The following APAF1 variants were observed in gnomAD, a reference collection of about 807,000 sequenced individuals.
The protein encoded by APAF1 is apoptotic peptidase activating factor 1.
APAF1 carries 91 observed loss-of-function variants against 152.4 expected under a neutral mutation model. The ratio of observed to expected loss-of-function variants is 0.60; its 90% CI spans 0.50 to 0.71. The LOEUF is 0.71. Ranked by LOEUF, APAF1 falls within the 30% of genes least tolerant of loss-of-function variation. The pLI is 0.00. For missense variants in APAF1, 1,283 were observed against 1,472.0 expected (o/e 0.87, Z 2.10); for synonymous variants, 484 against 494.1 (o/e 0.98, Z 0.27).
intron 20 of APAF1, among the ~76,000 whole-genome samples, chr12:98,709,495 A>G (rs1247054491): frequency 5.3e-5 from 8 of 152,206 alleles, no homozygotes; most frequent in Non-Finnish European, 1.0e-4. Context: ...GCAGGTTGGC[A>G]TCACTGTGCT....
chr12:98,709,533 G>A (rs373753930), intron 20 of APAF1, among the ~76,000 whole-genome samples: 49 of 152,314 alleles, frequency 3.2e-4, no homozygotes, highest in Middle Eastern at 3.4e-3. Context: ...TCGTTGCATT[G>A]ACAGAGATGT....
chr12:98,709,678 G>A (rs1052279072), intron 20 of APAF1, among the ~76,000 whole-genome samples: 1 of 152,146 alleles, frequency 6.6e-6, no homozygotes, highest in Non-Finnish European at 1.5e-5. Context: ...ATTGAAGGAA[G>A]TGTCAGCATG....
intron 4 of APAF1, among the ~76,000 whole-genome samples, chr12:98,650,576 TAGTA>T (rs1371489787): frequency 6.6e-6 from 1 of 151,922 alleles, no homozygotes; most frequent in African/African-American, 2.4e-5. Flanking sequence ...TTGGAATAAG[TAGTA>T]AGCCTCTAAG....
intron 10 of APAF1, among the ~76,000 whole-genome samples, chr12:98,668,863 G>T (rs540773754): frequency 2.6e-5 from 4 of 152,282 alleles, no homozygotes; most frequent in African/African-American, 9.6e-5. Context: ...TATGAGTCTA[G>T]AATTCTGGGG....
chr12:98,648,655 G>C lies in APAF1; in HGVS notation c.168G>C (p.Leu56=), dbSNP rs1169423621. 1 of 1,613,720 alleles carries C rather than the reference G, an allele frequency of 6.2e-7. No individual in the cohort carries two copies. The highest frequency in any genetic ancestry group is 2.2e-5 in the East Asian group (1 of 44,846). Residue 56 remains leucine, a synonymous_variant, in exon 3 of 27, where the codon CTG becomes CTC. Transcript: ENST00000551964. The part of the protein sequence containing the change: ...EPTQQQRAAM[L]IKMILKKDND... ...CTCAACAGCAAAGAGCAGCTATGCT[G>C]ATTAAAATGATACTTAAAAAAGATA...
rs574401264 is a variant in APAF1, at chr12:98,731,002, G to A, written c.3601-1418G>A. 3.3e-5 allele frequency among the ~76,000 whole-genome samples: 5 copies of A among 152,298 alleles called. No individual in the cohort carries two copies. The South Asian group carries it at 8.3e-4, about 25-fold the overall frequency. ...GCTGATCTGAAGTATGGAATACATG[G>A]TGATAAATGGTGGTGTGCCATGACT... is the stretch of plus-strand genomic sequence containing the variant. On this transcript the variant is annotated intron_variant, in intron 26 of 26. Coordinates refer to ENST00000551964, the MANE Select transcript of APAF1 (RefSeq NM_181861.2).
chr12:98,704,810 C>G (rs1440280143), intron 18 of APAF1, among the ~76,000 whole-genome samples: 1 of 152,126 alleles, frequency 6.6e-6, no homozygotes, highest in Non-Finnish European at 1.5e-5. Context: ...GACAGAGTCT[C>G]TCTCTGTCAC....
chr12:98,699,773 G>A (rs1434462982), intron 17 of APAF1, among the ~76,000 whole-genome samples: 1 of 152,168 alleles, frequency 6.6e-6, no homozygotes, highest in African/African-American at 2.4e-5. Context: ...TGGTTACACC[G>A]TTTGGGAAAT....
At chr12:98,711,185 G>A (rs2097727577) in intron 20 of APAF1, among the ~76,000 whole-genome samples, 1 of 152,140 alleles carries the variant, frequency 6.6e-6, no homozygotes, top group Admixed American at 6.5e-5. Context: ...TCTTCCACTT[G>A]GGATATTTCT....
Position 98,662,686 on chromosome 12 carries a change from G to A in APAF1, c.835G>A (p.Val279Ile). ...ATTTTTGTTTGCAGGTCCTAAATAT[G>A]TAGTCCCTGTGGAGAGTTCCTTAGG... ...VTDSVMGPKY[V>I]VPVESSLGKE... The change falls in exon 7 of 27, where the codon GTA becomes ATA. Residue 279 changes from valine (V) to isoleucine (I), a missense_variant. Transcript: ENST00000551964. The A allele has an allele frequency of 1.2e-6, 2 of 1,613,236 alleles. No homozygotes were observed. The highest frequency in any genetic ancestry group is 1.7e-6 in the Non-Finnish European group (2 of 1,179,688).
At chr12:98,672,410 A>G (rs927515172) in intron 12 of APAF1, among the ~76,000 whole-genome samples, 3 of 152,088 alleles carry the variant, frequency 2.0e-5, no homozygotes, top group South Asian at 2.1e-4. Flanking sequence ...AGTGAGCTGC[A>G]TGCCTCGGCC....
intron 12 of APAF1, among the ~76,000 whole-genome samples, 180 bp downstream of exon 12, chr12:98,671,899 AT>A (rs1272846069): frequency 6.6e-6 from 1 of 152,230 alleles, no homozygotes; most frequent in African/African-American, 2.4e-5. Flanking sequence ...AAATGATTGT[AT>A]TTTCAAAGAA....
At chr12:98,675,005 C>T (rs77492371) in intron 12 of APAF1, among the ~76,000 whole-genome samples, 2 of 152,226 alleles carry the variant, frequency 1.3e-5, no homozygotes, top group East Asian at 3.9e-4. Context: ...TTCTTGTTCT[C>T]TTATGAATTG....
At chr12:98,713,579 G>T (rs770541633) in intron 21 of APAF1, among the ~76,000 whole-genome samples, 1 of 152,228 alleles carries the variant, frequency 6.6e-6, no homozygotes, top group African/African-American at 2.4e-5. Context: ...AGGCAAAAAT[G>T]TAGTATAATA....
At chr12:98,670,901 G>A (rs1376940160) in intron 10 of APAF1, 72 bp from the exon 11 acceptor site, 1 of 832,404 alleles carries the variant, frequency 1.2e-6, no homozygotes, top group Non-Finnish European at 2.1e-6. Flanking sequence ...AGCAGTGTGA[G>A]GTTAATGATG....
chr12:98,662,462 C>G lies in APAF1; in HGVS notation c.717C>G (p.Leu239=), dbSNP rs1409038854. 2 of 1,610,890 alleles carry G rather than the reference C, an allele frequency of 1.2e-6. No individual in the cohort carries two copies. Among genetic ancestry groups the G allele is most frequent in the Non-Finnish European group, 1.7e-6 (2 of 1,177,558 alleles). The change falls in exon 6 of 27, where the codon CTC becomes CTG. Residue 239 remains leucine (L), a synonymous_variant. Coordinates refer to ENST00000551964, the MANE Select transcript of APAF1 (RefSeq NM_181861.2). ...ILMLRKHPRS[L]LILDDVWDSW... is the part of the protein sequence containing the mutation. Reference sequence around the variant, plus strand: ...TATTTTTTTTTTAAATTAGGTCTCTCTTGATCTTGGATGATGTTTGGGACT... The same window carrying G: ...TATTTTTTTTTTAAATTAGGTCTCTGTTGATCTTGGATGATGTTTGGGACT...
intron 4 of APAF1, among the ~76,000 whole-genome samples, chr12:98,655,567 A>G (rs1404704631): frequency 2.0e-5 from 3 of 152,196 alleles, no homozygotes; most frequent in African/African-American, 7.2e-5. Flanking sequence ...AAAAGAAATA[A>G]AAGTTCTCCT....
intron 16 of APAF1, among the ~76,000 whole-genome samples, chr12:98,690,365 T>G (rs1399879993): frequency 6.6e-6 from 1 of 152,236 alleles, no homozygotes; most frequent in African/African-American, 2.4e-5. Flanking sequence ...ATCTATCTGC[T>G]TCTTCCTTTA....
At chr12:98,675,293 A>C (rs146885431) in intron 12 of APAF1, among the ~76,000 whole-genome samples, 14 of 152,316 alleles carry the variant, frequency 9.2e-5, no homozygotes, top group African/African-American at 3.1e-4. Context: ...GCCATCTACT[A>C]TATATCCTTT....
Sources: allele counts gnomAD v4.1 joint callset (sites outside exome capture counted in the v4.1 genomes callset), GRCh38; gene constraint gnomAD v4.1.1; transcripts MANE v1.5; gene names NCBI Gene and HGNC (gene_info 2026-07-23, HGNC 2026-07-21).